RPTOR: variants seen among roughly 807,000 people sequenced by gnomAD.
The protein encoded by RPTOR is regulatory associated protein of MTOR complex 1.
Under a neutral mutation model 169.9 loss-of-function variants are expected in RPTOR, and 21 were observed. That is an observed-to-expected ratio of 0.12 (90% CI 0.09 to 0.18). The LOEUF is 0.18. Ranked by LOEUF, RPTOR falls within the 10% of genes least tolerant of loss-of-function variation. RPTOR has a pLI of 1.00. For synonymous variants in RPTOR, 732 were observed against 753.2 expected, an observed-to-expected ratio of 0.97 and a Z score of 0.46; for missense variants, 1,133 against 1,855.9, an observed-to-expected ratio of 0.61 and a Z score of 7.16.
rs2068362849 is a variant in RPTOR at position 80,893,701 on chromosome 17, G to T, written c.2243-6G>T. 6.2e-7 allele frequency: 1 copy of T among 1,608,252 alleles called. No homozygotes were observed. The highest frequency in any genetic ancestry group is 8.5e-7 in the Non-Finnish European group (1 of 1,177,348). On this transcript the variant is annotated splice_region_variant and splice_polypyrimidine_tract_variant and intron_variant, in intron 19 of 33. Transcript: ENST00000306801. ...CACCCCACTGACCCCGTTGCGTCTCGGGCAGCTGGTGGCGCGGTGGCGTTC... is the reference window on the plus strand; with the variant it reads ...CACCCCACTGACCCCGTTGCGTCTCTGGCAGCTGGTGGCGCGGTGGCGTTC...
chr17:80,705,654 A>G (rs1252071031), intron 3 of RPTOR, among the ~76,000 whole-genome samples: 4 of 151,922 alleles, frequency 2.6e-5, no homozygotes, highest in Non-Finnish European at 5.9e-5. Context: ...CCTCACATCT[A>G]ATTCTTTTTC....
At chr17:80,738,963 CA>C (rs66633034) in intron 5 of RPTOR, among the ~76,000 whole-genome samples, 83,918 of 151,990 alleles carry the variant, frequency 0.55, 23,416 homozygotes, top group African/African-American at 0.59. Flanking sequence ...GGAGCTTTCC[CA>C]AAAATTCTTA....
At position 80,964,529 on chromosome 17, in the gene RPTOR, G is replaced by A. The variant is rs900487220; in HGVS notation, c.*199G>A. ...TCGTGTCTGGAATGTCAGGGAAGGG[G>A]AGGGCTCGGGTTGACGGTGGCTTCC... is the stretch of plus-strand genomic sequence containing the variant. On this transcript the variant is annotated 3_prime_UTR_variant, in exon 34 of 34. Transcript: ENST00000306801. 1 of 610,244 alleles carries A rather than the reference G, an allele frequency of 1.6e-6. No homozygotes were observed. Among genetic ancestry groups the A allele is most frequent in the African/African-American group, 1.8e-5 (1 of 54,404 alleles). The allele number at this position is 610,244 out of a possible 1,614,324, so 37.8% of individuals were successfully genotyped here.
chr17:80,595,082 GAA>G (rs2065135329), intron 1 of RPTOR, among the ~76,000 whole-genome samples: 4 of 152,078 alleles, frequency 2.6e-5, no homozygotes, highest in African/African-American at 9.7e-5. Context: ...AGGGAGAAGA[GAA>G]AGAGAGAGAG....
intron 5 of RPTOR, among the ~76,000 whole-genome samples, chr17:80,752,387 T>C (rs538349321): frequency 6.6e-6 from 1 of 152,338 alleles, no homozygotes; most frequent in South Asian, 2.1e-4. Flanking sequence ...AGGCATTGCT[T>C]GTGCGCAGCT....
chr17:80,686,196 T>TC (rs2065945865), intron 3 of RPTOR, among the ~76,000 whole-genome samples: 1 of 151,086 alleles, frequency 6.6e-6, no homozygotes, highest in African/African-American at 2.5e-5. Flanking sequence ...ACTTTTTTTT[T>TC]TTTTTTTTGA....
At chr17:80,623,260 T>C (rs1375830380) in intron 1 of RPTOR, among the ~76,000 whole-genome samples, 1 of 152,208 alleles carries the variant, frequency 6.6e-6, no homozygotes, top group East Asian at 1.9e-4. Context: ...ATAATATAGC[T>C]GTATACTTTC....
At chr17:80,807,905 C>A (rs942526071) in intron 7 of RPTOR, among the ~76,000 whole-genome samples, 1 of 152,164 alleles carries the variant, frequency 6.6e-6, no homozygotes, top group Non-Finnish European at 1.5e-5. Context: ...CCATTCTTAG[C>A]CTGGGGGCCT....
At chr17:80,843,602 C>A (rs1292956905) in intron 10 of RPTOR, among the ~76,000 whole-genome samples, 1 of 152,006 alleles carries the variant, frequency 6.6e-6, no homozygotes, top group East Asian at 1.9e-4. Flanking sequence ...GGTAGAATGT[C>A]CCTACAGAGC....
intron 5 of RPTOR, among the ~76,000 whole-genome samples, chr17:80,740,223 A>G (rs185384652): frequency 4.6e-5 from 7 of 152,346 alleles, no homozygotes; most frequent in Admixed American, 2.0e-4. Context: ...CTGTTCAGCA[A>G]TAGATAATCT....
chr17:80,850,670 G>A (rs1487820247), intron 11 of RPTOR, among the ~76,000 whole-genome samples: 3 of 152,192 alleles, frequency 2.0e-5, no homozygotes, highest in South Asian at 2.1e-4. Flanking sequence ...CTCTCTCTCC[G>A]TGCATCATTT....
intron 9 of RPTOR, among the ~76,000 whole-genome samples, chr17:80,832,592 C>T (rs1051438818): frequency 1.3e-5 from 2 of 152,148 alleles, no homozygotes; most frequent in African/African-American, 4.8e-5. Flanking sequence ...GAACATTCGG[C>T]TCAGAAACAG....
rs887311064 is a variant in RPTOR, at chr17:80,633,764, C to T, written c.265+7971C>T. 6.6e-6 allele frequency among the ~76,000 whole-genome samples: 1 copy of T among 152,206 alleles called. No individual in the cohort carries two copies. The highest frequency in any genetic ancestry group is 2.4e-5 in the African/African-American group (1 of 41,462). On this transcript the variant is annotated intron_variant, in intron 2 of 33. Coordinates refer to ENST00000306801, the MANE Select transcript of RPTOR (RefSeq NM_020761.3). The surrounding 1 kb of genome is among the most constrained non-coding windows in gnomAD (Gnocchi z 4.1). ...ACTTTCAATTTCTTCATTTTGAACTCATGGCCTCCATTTTCATTCAGTGGA... is the reference window on the plus strand; with the variant it reads ...ACTTTCAATTTCTTCATTTTGAACTTATGGCCTCCATTTTCATTCAGTGGA...
intron 2 of RPTOR, among the ~76,000 whole-genome samples, chr17:80,634,128 G>C (rs1458115887): frequency 1.3e-5 from 2 of 151,244 alleles, no homozygotes; most frequent in Non-Finnish European, 3.0e-5. Flanking sequence ...CTGTGTGTGT[G>C]TGTGCATACT....
intron 5 of RPTOR, among the ~76,000 whole-genome samples, chr17:80,738,306 C>T (rs558033177): frequency 2.6e-5 from 4 of 152,348 alleles, no homozygotes; most frequent in East Asian, 1.9e-4. Context: ...CTTTAGTCTG[C>T]GCAGCTGAGC....
At chr17:80,688,063 C>T (rs1454589266) in intron 3 of RPTOR, among the ~76,000 whole-genome samples, 17 of 152,162 alleles carry the variant, frequency 1.1e-4, no homozygotes, top group African/African-American at 7.2e-5. Context: ...CATGTAGTGG[C>T]GGTTGAGTAC....
chr17:80,707,169 A>G lies in RPTOR; in HGVS notation c.349-672A>G, dbSNP rs936326177. Among the ~76,000 whole-genome samples the G allele has an allele frequency of 3.9e-5, 6 of 152,170 alleles. No individual in the cohort carries two copies. The highest frequency in any genetic ancestry group is 9.7e-5 in the African/African-American group (4 of 41,444). On this transcript the variant is annotated intron_variant, in intron 3 of 33. Transcript: ENST00000306801. This position sits in a 1 kb window ranked among gnomAD's most constrained non-coding sequence, Gnocchi z 5.0. ...TCTTCACTCTTCTGCCATTGCTGCC[A>G]TGTGTACATTGCAGGCTCCTTCATT... is the stretch of plus-strand genomic sequence containing the variant.
intron 20 of RPTOR, 28 bp downstream of exon 20, chr17:80,893,893 C>T (rs531330575): frequency 4.0e-5 from 60 of 1,504,932 alleles, no homozygotes; most frequent in Admixed American, 4.6e-5. Flanking sequence ...TTTCTGCTTC[C>T]GAGGGGCCCC....
chr17:80,770,657 C>T (rs2143411458), intron 6 of RPTOR, among the ~76,000 whole-genome samples: 1 of 152,334 alleles, frequency 6.6e-6, no homozygotes, highest in African/African-American at 2.4e-5. Flanking sequence ...AGAAGCCATG[C>T]TGTTTGCATT....
Sources: gnomAD v4.1 joint callset for allele counts (sites outside exome capture counted in the v4.1 genomes callset) on GRCh38, gnomAD v4.1.1 for gene constraint, Gnocchi (gnomAD v3.1) non-coding constraint, MANE v1.5 for transcripts, NCBI Gene and HGNC (gene_info 2026-07-23, HGNC 2026-07-21) for gene names.